The following PIN1 variants were observed in gnomAD, a reference collection of about 807,000 sequenced individuals.
PIN1 encodes peptidyl-prolyl cis-trans isomerase NIMA-interacting 1.
Under a neutral mutation model 19.9 loss-of-function variants are expected in PIN1, and 8 were observed. The observed-to-expected ratio is 0.40, with a 90% CI of 0.24 to 0.72. PIN1 has a LOEUF of 0.72. Among genes scored for constraint, PIN1 ranks in the 30% least tolerant of loss-of-function variants. The pLI, the probability that PIN1 is intolerant of heterozygous loss-of-function variation, is 0.37. For missense variants in PIN1, 185 were observed against 226.5 expected (o/e 0.82, Z 1.18); for synonymous variants, 86 against 90.8 (o/e 0.95, Z 0.30).
chr19:9,848,024 C>A lies in PIN1; in HGVS notation c.272-6C>A. The A allele has an allele frequency of 2.5e-6, 4 of 1,588,686 alleles. No homozygotes were observed. Among genetic ancestry groups the A allele is most frequent in the Non-Finnish European group, 3.5e-6 (4 of 1,157,168 alleles). On this transcript the variant is annotated splice_region_variant and splice_polypyrimidine_tract_variant and intron_variant, in intron 2 of 3. Transcript: ENST00000247970. Reference sequence around the variant, plus strand: ...CTGGCACTCCCATTCCGTTCCATGTCCACAGGCTACATCCAGAAGATCAAG... The same window carrying A: ...CTGGCACTCCCATTCCGTTCCATGTACACAGGCTACATCCAGAAGATCAAG...
chr19:9,840,027 T>C (rs747208728), intron 2 of PIN1, among the ~76,000 whole-genome samples: 36 of 151,892 alleles, frequency 2.4e-4, no homozygotes, highest in Non-Finnish European at 4.7e-4. Flanking sequence ...TATCAAAAAT[T>C]GGTTTCTCAA....
intron 2 of PIN1, among the ~76,000 whole-genome samples, chr19:9,844,575 G>C (rs1227369845): frequency 1.3e-5 from 2 of 152,212 alleles, no homozygotes; most frequent in African/African-American, 4.8e-5. Flanking sequence ...CCCTGCTCCA[G>C]ACTGGGAGCT....
intron 2 of PIN1, among the ~76,000 whole-genome samples, chr19:9,840,778 G>A (rs1321154981): frequency 6.6e-6 from 1 of 151,986 alleles, no homozygotes; most frequent in African/African-American, 2.4e-5. Context: ...TGTATTTTTA[G>A]TAGAGACAGG....
rs945831232 is a variant in PIN1 at position 9,835,416 on chromosome 19, C to A, written c.58+14C>A. 1.1e-6 allele frequency: 1 copy of A among 921,292 alleles called. No individual in the cohort carries two copies. The allele number at this position is 921,292 out of a possible 1,614,324, so 57.1% of individuals were successfully genotyped here. On this transcript the variant is annotated intron_variant, in intron 1 of 3. Coordinates refer to ENST00000247970, the MANE Select transcript of PIN1 (RefSeq NM_006221.4). The stretch of plus-strand genomic sequence containing the variant: ...GCCGCAGCTCAGGTGCCGCGGGGGT[C>A]GGGGCTGGGGCGGGACTGCGCGGGC...
chr19:9,847,854 G>C (rs978667730), intron 2 of PIN1, among the ~76,000 whole-genome samples, 176 bp from the exon 3 acceptor site: 1 of 152,154 alleles, frequency 6.6e-6, no homozygotes, highest in African/African-American at 2.4e-5. Context: ...AGGTGTGACT[G>C]CGCATGCAGG....
intron 2 of PIN1, among the ~76,000 whole-genome samples, chr19:9,840,416 C>T (rs538583741): frequency 6.6e-6 from 1 of 152,114 alleles, no homozygotes; most frequent in South Asian, 2.1e-4. Flanking sequence ...CAAAAAAAAA[C>T]ACTTTTCCAT....
intron 1 of PIN1, chr19:9,835,979 G>A (rs4804460): frequency 0.098 from 14,969 of 152,398 alleles, 870 homozygotes; most frequent in Middle Eastern, 0.17. Context: ...AGCGCTTTAA[G>A]TTCTCTCTGA....
Position 9,838,454 on chromosome 19 carries a change from A to G in PIN1, c.77A>G (p.Asn26Ser), listed in dbSNP as rs2046131980. ...SRSSGRVYYF[N>S]HITNASQWER... ...CCTCCAGGCCGAGTGTACTACTTCA[A>G]CCACATCACTAACGCCAGCCAGTGG... Residue 26 changes from asparagine (N) to serine (S), a missense_variant, in exon 2 of 4, where the codon AAC becomes AGC. Coordinates refer to ENST00000247970, the MANE Select transcript of PIN1 (RefSeq NM_006221.4). This position sits in a 1 kb window ranked among gnomAD's most constrained non-coding sequence, Gnocchi z 5.8. The G allele has an allele frequency of 6.2e-7, 1 of 1,606,722 alleles. No individual in the cohort carries two copies. The highest frequency in any genetic ancestry group is 1.7e-5 in the Admixed American group (1 of 58,582).
Position 9,835,348 on chromosome 19 carries a change from G to A in PIN1, c.4G>A (p.Ala2Thr). ...AGGCGCTGCGGCAGGAGGGAAGATG[G>A]CGGACGAGGAGAAGCTGCCGCCCGG... M[A>T]DEEKLPPGWE... The change falls in exon 1 of 4, where the codon GCG becomes ACG. Residue 2 changes from alanine to threonine, a missense_variant. Transcript: ENST00000247970. 3.9e-6 allele frequency: 6 copies of A among 1,524,626 alleles called. No homozygotes were observed. The highest frequency in any genetic ancestry group is 5.3e-6 in the Non-Finnish European group (6 of 1,142,390). The allele number at this position is 1,524,626 out of a possible 1,614,324, so 94.4% of individuals were successfully genotyped here.
chr19:9,845,974 G>T (rs1210789515), intron 2 of PIN1, among the ~76,000 whole-genome samples: 1 of 152,150 alleles, frequency 6.6e-6, no homozygotes, highest in Non-Finnish European at 1.5e-5. Context: ...CCCCTGGCTG[G>T]CTTAGTGGTC....
chr19:9,842,767 G>T (rs2046180947), intron 2 of PIN1, among the ~76,000 whole-genome samples: 1 of 152,202 alleles, frequency 6.6e-6, no homozygotes, highest in Non-Finnish European at 1.5e-5. Context: ...CGCAGGCATT[G>T]GGCACCTGGG....
In PIN1 at chr19:9,847,988, C is replaced by G. The variant is rs753183358; in HGVS notation, c.272-42C>G. 3 of 1,305,952 alleles carry G rather than the reference C, an allele frequency of 2.3e-6. No homozygotes were observed. In the South Asian group the frequency reaches 3.5e-5, roughly 15 times the overall value. 80.9% of individuals were successfully genotyped at this position (1,305,952 alleles called of 1,614,324 possible). A position where few individuals can be genotyped will look rare whatever the true frequency, so the allele number is the denominator to read the frequency against. ...CCATCCTGTCTGGTCAGGCCCCCCC[C>G]AACCCCTGACCTGGCACTCCCATTC... is the stretch of plus-strand genomic sequence containing the variant. On this transcript the variant is annotated intron_variant, in intron 2 of 3. Coordinates refer to ENST00000247970, the MANE Select transcript of PIN1 (RefSeq NM_006221.4).
intron 1 of PIN1, chr19:9,836,913 A>T: frequency 8.6e-7 from 1 of 1,158,582 alleles, no homozygotes; most frequent in Non-Finnish European, 1.1e-6. Context: ...AATAGAGATA[A>T]TAAAGGCTAT....
intron 2 of PIN1, among the ~76,000 whole-genome samples, chr19:9,840,737 C>T (rs1386382305): frequency 6.6e-6 from 1 of 152,172 alleles, no homozygotes; most frequent in African/African-American, 2.4e-5. Flanking sequence ...GCTGGGACTG[C>T]AGGCTCATAA....
intron 2 of PIN1, among the ~76,000 whole-genome samples, chr19:9,843,974 T>C (rs11085385): frequency 0.98 from 149,153 of 152,078 alleles, 73,421 homozygotes; most frequent in Middle Eastern, 1. Context: ...CGCTGGAACC[T>C]GGGAGGCAGA....
In PIN1 at chr19:9,838,317, G is replaced by A. The variant is rs1472716385; in HGVS notation, c.59-119G>A. 11 of 767,520 alleles carry A rather than the reference G, an allele frequency of 1.4e-5. No individual in the cohort carries two copies. In the East Asian group the frequency reaches 2.1e-4, roughly 15 times the overall value. The allele number at this position is 767,520 out of a possible 1,614,324, so 47.5% of individuals were successfully genotyped here. ...TGTGGCACATGGTGGATACACCATG[G>A]ATTTGTTGAATGAAGGCGCCCCCTG... On this transcript the variant is annotated intron_variant, in intron 1 of 3. Coordinates refer to ENST00000247970, the MANE Select transcript of PIN1 (RefSeq NM_006221.4). This position sits in a 1 kb window ranked among gnomAD's most constrained non-coding sequence, Gnocchi z 5.8.
intron 3 of PIN1, among the ~76,000 whole-genome samples, chr19:9,848,837 C>T (rs916167014): frequency 6.6e-6 from 1 of 152,158 alleles, no homozygotes; most frequent in Non-Finnish European, 1.5e-5. Context: ...CCTAAATGCA[C>T]GGCGGCGGCC....
Position 9,838,132 on chromosome 19 carries a change from G to T in PIN1, c.59-304G>T. The T allele has an allele frequency of 4.5e-6, 2 of 443,248 alleles. No individual in the cohort carries two copies. The highest frequency in any genetic ancestry group is 8.4e-6 in the Non-Finnish European group (2 of 237,552). 27.5% of individuals were successfully genotyped at this position (443,248 alleles called of 1,614,324 possible). A position where few individuals can be genotyped will look rare whatever the true frequency, so the allele number is the denominator to read the frequency against. ...CACTCCCTGTCCCCCAGCTTCCTCT[G>T]TTCCATCACTCTGGGTTATTTTCCT... On this transcript the variant is annotated intron_variant, in intron 1 of 3. Coordinates refer to ENST00000247970, the MANE Select transcript of PIN1 (RefSeq NM_006221.4). This position sits in a 1 kb window ranked among gnomAD's most constrained non-coding sequence, Gnocchi z 5.8.
intron 1 of PIN1, chr19:9,836,666 C>T: frequency 2.6e-6 from 1 of 386,604 alleles, no homozygotes; most frequent in Non-Finnish European, 5.1e-6. Flanking sequence ...AGTCTTCACT[C>T]CTTCATACCC....
Sources: allele counts gnomAD v4.1 joint callset (sites outside exome capture counted in the v4.1 genomes callset), GRCh38; gene constraint gnomAD v4.1.1; non-coding constraint Gnocchi (gnomAD v3.1); transcripts MANE v1.5; gene names NCBI Gene and HGNC (gene_info 2026-07-23, HGNC 2026-07-21).